GCN1: variants seen among roughly 807,000 people sequenced by gnomAD.
The protein encoded by GCN1 is GCN1 activator of EIF2AK4.
A neutral mutation model predicts 288.4 loss-of-function variants in GCN1; 90 were observed. That is an observed-to-expected ratio of 0.31 (90% CI 0.26 to 0.37). The LOEUF (loss-of-function observed/expected upper bound fraction) is 0.37. Among genes scored for constraint, GCN1 ranks in the 10% least tolerant of loss-of-function variants. The pLI, the probability that GCN1 is intolerant of heterozygous loss-of-function variation, is 1.00. For missense variants in GCN1, 2,586 were observed against 3,419.9 expected (o/e 0.76, Z 6.08); for synonymous variants, 1,386 against 1,420.2 (o/e 0.98, Z 0.54).
At chr12:120,170,398 C>T (rs1878278948) in intron 14 of GCN1, 77 bp from the exon 15 acceptor site, 5 of 1,338,564 alleles carry the variant, frequency 3.7e-6, no homozygotes, top group Non-Finnish European at 5.3e-6. Context: ...ATTTATCTAA[C>T]CAGCTGTGAA....
chr12:120,161,822 C>G, intron 21 of GCN1, 58 bp downstream of exon 21: 2 of 1,538,774 alleles, frequency 1.3e-6, no homozygotes, highest in Non-Finnish European at 1.8e-6. Flanking sequence ...CCATTCTACA[C>G]ACAAGAAAAC....
At chr12:120,151,474 C>A (rs1877552976) in intron 33 of GCN1, 83 bp from the exon 34 acceptor site, 7 of 1,410,092 alleles carry the variant, frequency 5.0e-6, no homozygotes, top group Non-Finnish European at 6.8e-6. Context: ...TTCTACACAG[C>A]ACCCACCACT....
At position 120,127,857 on chromosome 12, in the gene GCN1, G is replaced by A. The variant is rs1401923443; in HGVS notation, c.8008C>T (p.Leu2670=). The A allele has an allele frequency of 6.2e-7, 1 of 1,614,078 alleles. No individual in the cohort carries two copies. The highest frequency in any genetic ancestry group is 1.3e-5 in the African/African-American group (1 of 74,948). ...DSTEQVDDTI[L]T is the part of the protein sequence containing the mutation. ...CTGCTGGCCCAGGCCTCTCATGTCA[G>A]GATGGTGTCGTCCACCTGCTCCGTG... is the stretch of plus-strand genomic sequence containing the variant. Residue 2670 remains leucine, a synonymous_variant, in exon 58 of 58, where the codon CTG becomes TTG. Transcript: ENST00000300648.
At chr12:120,169,553 G>C (rs1434924662) in intron 15 of GCN1, among the ~76,000 whole-genome samples, 1 of 152,106 alleles carries the variant, frequency 6.6e-6, no homozygotes, top group Non-Finnish European at 1.5e-5. Flanking sequence ...ACCCAGGCTG[G>C]AGTGCAGTGG....
rs967417443 is a variant in GCN1, at chr12:120,134,155, C to T, written c.7317+136G>A. On this transcript the variant is annotated intron_variant, in intron 53 of 57. Transcript: ENST00000300648. This position sits in a 1 kb window ranked among gnomAD's most constrained non-coding sequence, Gnocchi z 5.0. ...CCCGAGGAAATGTTGGTGAAGCATA[C>T]AGGGTGATAGAAATGTCAGGAATGC... The T allele has an allele frequency of 3.5e-5, 22 of 627,844 alleles. No homozygotes were observed. The Middle Eastern group carries it at 1.3e-3, about 36-fold the overall frequency. The allele number at this position is 627,844 out of a possible 1,614,324, so 38.9% of individuals were successfully genotyped here. A position where few individuals can be genotyped will look rare whatever the true frequency, so the allele number is the denominator to read the frequency against.
In GCN1 at chr12:120,175,210, A is replaced by G. The variant is rs2139130957; in HGVS notation, c.1045T>C (p.Ser349Pro). 1 of 1,611,818 alleles carries G rather than the reference A, an allele frequency of 6.2e-7. No individual in the cohort carries two copies. Among genetic ancestry groups the G allele is most frequent in the East Asian group, 2.2e-5 (1 of 44,794 alleles). ...GCTACAACAGTTAGTTTTCCTTCCG[A>G]GCCTGAGAAGAGAGACAGCAAAGAT... ...TKHLFAILGG[S>P]EGKLTVVAQK... Residue 349 changes from serine to proline, a missense_variant and splice_region_variant, in exon 12 of 58, where the codon TCG (serine) becomes CCG (proline). By Grantham distance (74) the Ser-to-Pro change is moderately conservative. Coordinates refer to ENST00000300648, the MANE Select transcript of GCN1 (RefSeq NM_006836.2).
intron 14 of GCN1, among the ~76,000 whole-genome samples, chr12:120,172,927 A>G: frequency 6.6e-6 from 1 of 152,212 alleles, no homozygotes. Flanking sequence ...GCTCCTATAC[A>G]GATTTGAAAG....
intron 5 of GCN1, among the ~76,000 whole-genome samples, chr12:120,182,788 G>T (rs1186306493): frequency 6.6e-6 from 1 of 151,774 alleles, no homozygotes; most frequent in Non-Finnish European, 1.5e-5. Context: ...AAATACAAAA[G>T]AATTAGCCAG....
chr12:120,161,829 A>C (rs1877941524), intron 21 of GCN1, 51 bp downstream of exon 21: 8 of 1,564,782 alleles, frequency 5.1e-6, no homozygotes, highest in Non-Finnish European at 7.0e-6. Context: ...ACACACAAGA[A>C]AACTATGCCT....
At chr12:120,180,850 C>T (rs1594287572) in intron 5 of GCN1, among the ~76,000 whole-genome samples, 1 of 149,688 alleles carries the variant, frequency 6.7e-6, no homozygotes, top group Admixed American at 6.6e-5. Context: ...ATTAGCTGGG[C>T]ATGGTGGCAG....
In GCN1 at chr12:120,175,682, C is replaced by A. The variant is rs2139131484; in HGVS notation, c.1042+64G>T. 3.3e-6 allele frequency: 5 copies of A among 1,531,564 alleles called. No homozygotes were observed. The South Asian group carries it at 6.1e-5, about 19-fold the overall frequency. 94.9% of individuals were successfully genotyped at this position (1,531,564 alleles called of 1,614,324 possible). On this transcript the variant is annotated intron_variant, in intron 11 of 57. Transcript: ENST00000300648. ...TGGAGCATCAAGTCCCCTTCAGATC[C>A]CAGTTGAGGGAAATACCAGGGGCCA...
At chr12:120,188,440 G>GAA (rs1229562559) in intron 2 of GCN1, among the ~76,000 whole-genome samples, 10,990 of 115,638 alleles carry the variant, frequency 0.095, 1,104 homozygotes, top group African/African-American at 0.27. Flanking sequence ...TCTCACCAAA[G>GAA]AAAAAAAAAA....
rs774336985 is a variant in GCN1 at position 120,137,667 on chromosome 12, G to A, written c.6541C>T (p.Arg2181Cys). The A allele has an allele frequency of 9.9e-6, 16 of 1,614,162 alleles. No individual in the cohort carries two copies. Among genetic ancestry groups the A allele is most frequent in the Non-Finnish European group, 1.2e-5 (14 of 1,180,024 alleles). Reference sequence around the variant, plus strand: ...TGGCTGGTGTAGTCAGCCTTTGAGCGGGAACAGTAGATGTTGAGGATGATG... The same window carrying A: ...TGGCTGGTGTAGTCAGCCTTTGAGCAGGAACAGTAGATGTTGAGGATGATG... ...AAIILNIYCS[R>C]SKADYTSHLR... Residue 2181 changes from arginine (R) to cysteine (C), a missense_variant, in exon 49 of 58, where the codon CGC becomes TGC. Physicochemically the swap from Arg to Cys is radical, Grantham distance 180. Around this residue, in one of 8 missense-constraint regions of GCN1, gnomAD observed 437 missense variants for 570.5 expected, o/e 0.77. Transcript: ENST00000300648. This position sits in a 1 kb window ranked among gnomAD's most constrained non-coding sequence, Gnocchi z 5.2.
intron 36 of GCN1, 95 bp from the exon 37 acceptor site, chr12:120,148,441 G>A (rs1020269471): frequency 6.9e-6 from 7 of 1,012,310 alleles, no homozygotes; most frequent in Non-Finnish European, 8.8e-6. Flanking sequence ...ATCTACCCTG[G>A]CCCCTGCAGA....
chr12:120,137,760 G>A lies in GCN1; in HGVS notation c.6448C>T (p.Arg2150Trp), dbSNP rs1189826702. 1.2e-6 allele frequency: 2 copies of A among 1,613,782 alleles called. No homozygotes were observed. The highest frequency in any genetic ancestry group is 1.3e-5 in the African/African-American group (1 of 74,910). ...TCCAGCAGATCCTCGATGATGATCCGGTGCCCTGTGTCATCCTCTACGGAG... is the reference window on the plus strand; with the variant it reads ...TCCAGCAGATCCTCGATGATGATCCAGTGCCCTGTGTCATCCTCTACGGAG... ...ILSVEDDTGH[R>W]IIIEDLLEAT... Residue 2150 changes from arginine to tryptophan, a missense_variant, in exon 49 of 58, where the codon CGG (arginine) becomes TGG (tryptophan). By Grantham distance (101) the Arg-to-Trp change is moderately radical (BLOSUM62 -3). Transcript: ENST00000300648. The surrounding 1 kb of genome is among the most constrained non-coding windows in gnomAD (Gnocchi z 5.2).
intron 1 of GCN1, among the ~76,000 whole-genome samples, chr12:120,194,387 G>C (rs1879102173): frequency 6.6e-6 from 1 of 152,226 alleles, no homozygotes; most frequent in Non-Finnish European, 1.5e-5. Flanking sequence ...AGAAGTAGAG[G>C]CTCGGTAAAG....
At position 120,183,623 on chromosome 12, in the gene GCN1, C is replaced by T. The variant is rs376259521; in HGVS notation, c.372G>A (p.Val124=). 13 of 1,613,774 alleles carry T rather than the reference C, an allele frequency of 8.1e-6. No homozygotes were observed. Among genetic ancestry groups the T allele is most frequent in the Non-Finnish European group, 1.1e-5 (13 of 1,179,816 alleles). The change falls in exon 5 of 58, where the codon GTG becomes GTA. Residue 124 remains valine, a synonymous_variant. Transcript: ENST00000300648. ...LLALTWTCLL[V]RIVFPSRAKR... ...TGGCTCTCGATGGAAAGACAATGCG[C>T]ACCAGGAGGCAGGTCCAGGTCAAGG...
intron 5 of GCN1, among the ~76,000 whole-genome samples, chr12:120,180,253 G>C (rs1878609436): frequency 6.6e-6 from 1 of 152,032 alleles, no homozygotes; most frequent in Non-Finnish European, 1.5e-5. Flanking sequence ...GAACCCAGGA[G>C]GCAGAGGTTG....
At chr12:120,165,449 C>T (rs746657375) in intron 16 of GCN1, among the ~76,000 whole-genome samples, 25 of 152,096 alleles carry the variant, frequency 1.6e-4, no homozygotes, top group Non-Finnish European at 7.4e-5. Flanking sequence ...GGATTACAGG[C>T]GTGAGCCACC....
Sources: gnomAD v4.1 joint callset for allele counts (sites outside exome capture counted in the v4.1 genomes callset) on GRCh38, gnomAD v4.1.1 for gene constraint, gnomAD v4.1.1 regional missense constraint, Gnocchi (gnomAD v3.1) non-coding constraint, MANE v1.5 for transcripts, NCBI Gene and HGNC (gene_info 2026-07-23, HGNC 2026-07-21) for gene names.